The following DMD variants were observed in gnomAD, a reference collection of about 807,000 sequenced individuals.
DMD encodes dystrophin.
Under a neutral mutation model 330.1 loss-of-function variants are expected in DMD, and 63 were observed. The observed-to-expected ratio is 0.19, with a 90% CI of 0.16 to 0.24. DMD has a LOEUF of 0.24. Among genes scored for constraint, DMD ranks in the 10% least tolerant of loss-of-function variants. DMD has a pLI of 1.00. For missense variants in DMD, 3,344 were observed against 2,684.1 expected, an observed-to-expected ratio of 1.25 and a Z score of -5.43; for synonymous variants, 1,223 against 959.8, an observed-to-expected ratio of 1.27 and a Z score of -5.07.
intron 16 of DMD, among the ~76,000 whole-genome samples, chrX:32,550,118 T>C (rs763870604): frequency 6.3e-5 from 7 of 111,788 alleles, no homozygotes; most frequent in Non-Finnish European, 1.1e-4. Context: ...TTATTGCTCC[T>C]AGCTACAAAC....
At chrX:32,150,141 G>A (rs1159509906) in intron 44 of DMD, among the ~76,000 whole-genome samples, 1 of 112,400 alleles carries the variant, frequency 8.9e-6, no homozygotes, top group East Asian at 2.8e-4. Flanking sequence ...CAGGGAAAAT[G>A]TTAAACGGAT....
intron 2 of DMD, among the ~76,000 whole-genome samples, chrX:32,967,043 G>C (rs2092186453): frequency 9.0e-6 from 1 of 111,696 alleles, no homozygotes; most frequent in Non-Finnish European, 1.9e-5. Context: ...GTGCTTGGCT[G>C]GGCAGGATAT....
At chrX:31,499,900 G>A (rs1332985352) in intron 56 of DMD, among the ~76,000 whole-genome samples, 1 of 112,290 alleles carries the variant, frequency 8.9e-6, no homozygotes, top group African/African-American at 3.2e-5. Flanking sequence ...AGCAGCAGAA[G>A]ACGGACCTGG....
chrX:32,453,090 G>T (rs1196475893), intron 26 of DMD, among the ~76,000 whole-genome samples: 1 of 110,795 alleles, frequency 9.0e-6, no homozygotes, highest in Non-Finnish European at 1.9e-5. Flanking sequence ...CTCAAATCCT[G>T]CCTGAACATT....
chrX:32,668,546 C>G (rs1213921045), intron 9 of DMD, among the ~76,000 whole-genome samples: 2 of 112,091 alleles, frequency 1.8e-5, no homozygotes, highest in Non-Finnish European at 3.8e-5. Flanking sequence ...GTGCTAAAAA[C>G]TTGGCATCAG....
At chrX:32,089,924 C>T (rs1406916257) in intron 44 of DMD, among the ~76,000 whole-genome samples, 1 of 111,756 alleles carries the variant, frequency 8.9e-6, no homozygotes, top group Non-Finnish European at 1.9e-5. Flanking sequence ...TTAAGTGTTC[C>T]TATTAAGAGA....
intron 55 of DMD, among the ~76,000 whole-genome samples, chrX:31,601,500 A>C: frequency 9.0e-6 from 1 of 111,359 alleles, no homozygotes; most frequent in Middle Eastern, 4.6e-3. Context: ...CTGTGAAGAG[A>C]CGGGAAGCAT....
chrX:32,912,434 A>C (rs915598358), intron 2 of DMD, among the ~76,000 whole-genome samples: 2 of 109,745 alleles, frequency 1.8e-5, no homozygotes, highest in South Asian at 8.7e-4. Flanking sequence ...GGGCACATAC[A>C]TGGGCCCTGT....
At chrX:31,434,442 A>ATG (rs2064356757) in intron 60 of DMD, among the ~76,000 whole-genome samples, 3 of 100,133 alleles carry the variant, frequency 3.0e-5, no homozygotes, top group Non-Finnish European at 6.1e-5. Flanking sequence ...ACACACACAC[A>ATG]CACACACACA....
rs767993498 is a variant in DMD at position 32,312,942 on chromosome X, C to CAAAAAAAAAAAAAA, written c.5923-2680_5923-2667dup. 1.7e-3 allele frequency among the ~76,000 whole-genome samples: 35 copies of CAAAAAAAAAAAAAA among 20,400 alleles called. 6 individuals carry two copies. Among genetic ancestry groups the CAAAAAAAAAAAAAA allele is most frequent in the Admixed American group, 5.2e-3 (5 of 964 alleles). 17.7% of individuals were successfully genotyped at this position (20,400 alleles called of 115,157 possible). A position where few individuals can be genotyped will look rare whatever the true frequency, so the allele number is the denominator to read the frequency against. On this transcript the variant is annotated intron_variant, in intron 41 of 78. Coordinates refer to ENST00000357033, the MANE Select transcript of DMD (RefSeq NM_004006.3). Reference sequence around the variant, plus strand: ...ATTGAGGCAGTAATAGCCTACGAACCAAAAAAAAAAAAAAAAAAAAAAGCC... The same window carrying CAAAAAAAAAAAAAA: ...ATTGAGGCAGTAATAGCCTACGAACCAAAAAAAAAAAAAAAAAAAAAAAAAAAAAAAAAAAAGCC...
At chrX:32,534,968 A>G (rs1449864077) in intron 17 of DMD, among the ~76,000 whole-genome samples, 1 of 111,496 alleles carries the variant, frequency 9.0e-6, no homozygotes, top group Non-Finnish European at 1.9e-5. Flanking sequence ...CTCTCAGAAG[A>G]TGTCAGAATA....
upstream of DMD, among the ~76,000 whole-genome samples, chrX:33,214,422 T>C (rs906056941): frequency 1.9e-4 from 21 of 111,727 alleles, 2 homozygotes; most frequent in Admixed American, 1.8e-3. Flanking sequence ...ATTGATGTTT[T>C]TACCGCATTG....
chrX:32,222,971 T>A (rs772486277), intron 43 of DMD, among the ~76,000 whole-genome samples: 1 of 111,838 alleles, frequency 8.9e-6, no homozygotes, highest in African/African-American at 3.2e-5. Context: ...TATAAACCCA[T>A]GGTGACCATC....
At chrX:31,128,132 C>T (rs1030865821) in intron 77 of DMD, among the ~76,000 whole-genome samples, 1 of 111,470 alleles carries the variant, frequency 9.0e-6, no homozygotes, top group Admixed American at 9.5e-5. Flanking sequence ...ATGAATCACT[C>T]ACCCCTTCTT....
chrX:32,419,606 T>C (rs1244704041), intron 29 of DMD, among the ~76,000 whole-genome samples: 1 of 112,287 alleles, frequency 8.9e-6, no homozygotes, highest in Non-Finnish European at 1.9e-5. Context: ...CTTCTAGATT[T>C]ATGTTTTGTT....
intron 44 of DMD, among the ~76,000 whole-genome samples, chrX:31,995,955 T>C (rs1339331786): frequency 8.9e-6 from 1 of 112,152 alleles, no homozygotes; most frequent in African/African-American, 3.2e-5. Flanking sequence ...GGACATTTGA[T>C]CACTATTTCT....
At position 32,348,348 on chromosome X, in the gene DMD, T is replaced by G. The variant is rs2097770803; in HGVS notation, c.5448+58A>C. ...TTCAGTTGGAGACTTATCTAAGTTC[T>G]TTCCAAATATTTATTTCCACTCCTA... On this transcript the variant is annotated intron_variant, in intron 38 of 78. Coordinates refer to ENST00000357033, the MANE Select transcript of DMD (RefSeq NM_004006.3). 10 of 1,132,915 alleles carry G rather than the reference T, an allele frequency of 8.8e-6. No homozygotes were observed. In the South Asian group the frequency reaches 1.8e-4, roughly 21 times the overall value. 93.4% of individuals were successfully genotyped at this position (1,132,915 alleles called of 1,213,427 possible).
intron 62 of DMD, among the ~76,000 whole-genome samples, chrX:31,323,052 A>G (rs1307828173): frequency 8.9e-6 from 1 of 111,894 alleles, no homozygotes; most frequent in Non-Finnish European, 1.9e-5. Flanking sequence ...TTTGACTGGC[A>G]CAAATGTTTC....
At chrX:32,315,433 G>A (rs1238878509) in intron 41 of DMD, among the ~76,000 whole-genome samples, 1 of 110,355 alleles carries the variant, frequency 9.1e-6, no homozygotes, top group African/African-American at 3.3e-5. Context: ...GTTGATGGGT[G>A]CAGCAAACCA....
Sources: allele counts gnomAD v4.1 joint callset (sites outside exome capture counted in the v4.1 genomes callset), GRCh38; gene constraint gnomAD v4.1.1; transcripts MANE v1.5; gene names NCBI Gene and HGNC (gene_info 2026-07-23, HGNC 2026-07-21).